ADAT1: variants seen among roughly 807,000 people sequenced by gnomAD.
ADAT1 encodes adenosine deaminase tRNA specific 1, also known as tRNA-specific adenosine deaminase 1.
Under a neutral mutation model 58.6 loss-of-function variants are expected in ADAT1, and 58 were observed. That is an observed-to-expected ratio of 0.99 (90% CI 0.80 to 1.23). The LOEUF (loss-of-function observed/expected upper bound fraction) is 1.23, where lower values mean the gene tolerates loss of function less well. ADAT1 is among the 50% of genes most tolerant of loss of function. ADAT1 has a pLI of 0.00. For synonymous variants in ADAT1, 254 were observed against 220.8 expected (o/e 1.15, Z -1.33); for missense variants, 741 against 608.6 (o/e 1.22, Z -2.29).
At chr16:75,616,681 T>G (rs1376613152) in intron 5 of ADAT1, among the ~76,000 whole-genome samples, 1 of 152,214 alleles carries the variant, frequency 6.6e-6, no homozygotes, top group Non-Finnish European at 1.5e-5. Context: ...TGTCTACATT[T>G]CCTAAAAGAC....
At position 75,599,664 on chromosome 16, in the gene ADAT1, C is replaced by T. The variant is rs111839691; in HGVS notation, c.*552G>A. The T allele has an allele frequency of 1.0e-5, 10 of 986,410 alleles. No individual in the cohort carries two copies. The highest frequency in any genetic ancestry group is 3.5e-5 in the African/African-American group (2 of 57,334). The allele number at this position is 986,410 out of a possible 1,614,324, so 61.1% of individuals were successfully genotyped here. ...TTTCCTGATACCTCTGAGAACAAGTCCAGGGCAGTCCAGGGCTGGCTCACA... is the reference window on the plus strand; with the variant it reads ...TTTCCTGATACCTCTGAGAACAAGTTCAGGGCAGTCCAGGGCTGGCTCACA... On this transcript the variant is annotated 3_prime_UTR_variant, in exon 10 of 10. Coordinates refer to ENST00000564657, the MANE Select transcript of ADAT1 (RefSeq NM_001324445.2).
chr16:75,614,400 A>G lies in ADAT1; in HGVS notation c.425-1539T>C, dbSNP rs1158678621. On this transcript the variant is annotated intron_variant, in intron 5 of 9. Coordinates refer to ENST00000564657, the MANE Select transcript of ADAT1 (RefSeq NM_001324445.2). ...AGGAAACAGAAGAAAACTAGAGGTC[A>G]GTAAGAACCACAGCTCTCCCTTGAG... Among the ~76,000 whole-genome samples, 3 of 152,384 alleles carry G rather than the reference A, an allele frequency of 2.0e-5. No individual in the cohort carries two copies. In the East Asian group the frequency reaches 5.8e-4, roughly 29 times the overall value.
At chr16:75,604,038 G>A (rs923775100) in intron 8 of ADAT1, among the ~76,000 whole-genome samples, 1 of 152,146 alleles carries the variant, frequency 6.6e-6, no homozygotes, top group African/African-American at 2.4e-5. Flanking sequence ...GGCCTTAGCT[G>A]GAGTGGCTGC....
intron 8 of ADAT1, among the ~76,000 whole-genome samples, chr16:75,604,772 A>C (rs1395849978): frequency 6.6e-6 from 1 of 152,154 alleles, no homozygotes; most frequent in African/African-American, 2.4e-5. Context: ...AAAAGAAAGA[A>C]AAGTGAAAAA....
rs1258492080 is a variant in ADAT1 at position 75,623,127 on chromosome 16, T to A, written c.-746A>T. On this transcript the variant is annotated 5_prime_UTR_variant, in exon 1 of 10. Transcript: ENST00000564657. Reference sequence around the variant, plus strand: ...GGAGCGCCTTCCCACGTGAAACGCGTCCCGGAAGATACGATCCTCACAACC... The same window carrying A: ...GGAGCGCCTTCCCACGTGAAACGCGACCCGGAAGATACGATCCTCACAACC... The A allele has an allele frequency of 1.3e-5, 2 of 152,084 alleles. No homozygotes were observed. Among genetic ancestry groups the A allele is most frequent in the Non-Finnish European group, 2.9e-5 (2 of 68,068 alleles). 9.4% of individuals were successfully genotyped at this position (152,084 alleles called of 1,614,324 possible).
chr16:75,603,633 C>A (rs1187001990), intron 8 of ADAT1, among the ~76,000 whole-genome samples: 1 of 152,138 alleles, frequency 6.6e-6, no homozygotes, highest in Non-Finnish European at 1.5e-5. Flanking sequence ...GCATCACAGG[C>A]CTTTGGAGAA....
rs2151735758 is a variant in ADAT1 at position 75,599,292 on chromosome 16, G to A, written c.*924C>T. On this transcript the variant is annotated 3_prime_UTR_variant, in exon 10 of 10. Coordinates refer to ENST00000564657, the MANE Select transcript of ADAT1 (RefSeq NM_001324445.2). The stretch of plus-strand genomic sequence containing the variant: ...AGACAGGGTTTCACCAGGTTGGCCA[G>A]GCTGGTCTTGAACTCCTGACCTCAA... The A allele has an allele frequency of 1.1e-6, 1 of 903,970 alleles. No homozygotes were observed. The highest frequency in any genetic ancestry group is 6.2e-5 in the Admixed American group (1 of 16,134). 56.0% of individuals were successfully genotyped at this position (903,970 alleles called of 1,614,324 possible). A position where few individuals can be genotyped will look rare whatever the true frequency, so the allele number is the denominator to read the frequency against.
In ADAT1 at chr16:75,612,545, G is replaced by A. The variant is rs747369829; in HGVS notation, c.741C>T (p.Ala247=). ...VEGLATVTRI[A]PGSAKVIDVY... ...CGTCTATCACTTTGGCACTACCAGG[G>A]GCTATTCTGGTGACAGTAGCCAGTC... Residue 247 remains alanine, a synonymous_variant, in exon 6 of 10, where the codon GCC becomes GCT. Transcript: ENST00000564657. 5 of 1,613,934 alleles carry A rather than the reference G, an allele frequency of 3.1e-6. No individual in the cohort carries two copies. Among genetic ancestry groups the A allele is most frequent in the East Asian group, 2.2e-5 (1 of 44,884 alleles).
Position 75,600,097 on chromosome 16 carries a change from G to C in ADAT1, c.*119C>G. On this transcript the variant is annotated 3_prime_UTR_variant, in exon 10 of 10. Transcript: ENST00000564657. ...GATTCCATCTGTATTACACAACAGA[G>C]ATGCAAAGCTCAGAAAGAATGTTCC... The C allele has an allele frequency of 6.5e-7, 1 of 1,534,952 alleles. No individual in the cohort carries two copies. The highest frequency in any genetic ancestry group is 1.3e-5 in the South Asian group (1 of 77,736).
chr16:75,620,646 CAG>C lies in ADAT1; in HGVS notation c.152_153del (p.Pro51ArgfsTer2). The C allele has an allele frequency of 6.2e-7, 1 of 1,613,306 alleles. No homozygotes were observed. Among genetic ancestry groups the C allele is most frequent in the Non-Finnish European group, 8.5e-7 (1 of 1,179,998 alleles). ...AAAGTCTCACCTTGCACCGGCTTAT[CAG>C]GGGTGTCGCAGGCCTTGTCAGCTGG... is the stretch of plus-strand genomic sequence containing the variant. ...QSPADKACDTPDKPVQVTKEV... is the reference protein window; with the variant it reads ...QSPADKACDTXDKPVQVTKEV... On this transcript the variant is annotated frameshift_variant, in exon 2 of 10. Transcript: ENST00000564657. LOFTEE classifies it high-confidence loss of function.
intron 9 of ADAT1, among the ~76,000 whole-genome samples, chr16:75,601,447 A>AAAAC (rs994301349): frequency 1.2e-4 from 18 of 152,000 alleles, no homozygotes; most frequent in South Asian, 6.2e-4. Flanking sequence ...CCCTGTCTCA[A>AAAAC]AAACAAACAA....
chr16:75,618,509 C>CAA (rs535021597), intron 4 of ADAT1, 77 bp downstream of exon 4: 6,591 of 771,602 alleles, frequency 8.5e-3, no homozygotes, highest in Non-Finnish European at 0.01. Context: ...CTGTCCCCCC[C>CAA]AAAAAAAAAA....
In ADAT1 at chr16:75,620,636, A is replaced by G. The variant is rs2081902040; in HGVS notation, c.164T>C (p.Val55Ala). 4.3e-6 allele frequency: 7 copies of G among 1,612,960 alleles called. No individual in the cohort carries two copies. The highest frequency in any genetic ancestry group is 5.9e-6 in the Non-Finnish European group (7 of 1,179,964). Reference protein sequence around the residue: ...DKACDTPDKPVQVTKEVVSMG... With the variant: ...DKACDTPDKPAQVTKEVVSMG... ...CCAAGAAGAAAAAGTCTCACCTTGC[A>G]CCGGCTTATCAGGGGTGTCGCAGGC... Residue 55 changes from valine (V) to alanine (A), a missense_variant, in exon 2 of 10, where the codon GTG (valine) becomes GCG (alanine). By Grantham distance (64) the Val-to-Ala change is moderately conservative (BLOSUM62 0). Coordinates refer to ENST00000564657, the MANE Select transcript of ADAT1 (RefSeq NM_001324445.2).
chr16:75,607,203 C>T (rs901622130), intron 8 of ADAT1, among the ~76,000 whole-genome samples: 6 of 151,980 alleles, frequency 3.9e-5, no homozygotes, highest in African/African-American at 9.7e-5. Context: ...AATGTAAATG[C>T]AAATAAAAAC....
At chr16:75,605,530 T>C (rs1479021664) in intron 8 of ADAT1, among the ~76,000 whole-genome samples, 1 of 152,214 alleles carries the variant, frequency 6.6e-6, no homozygotes, top group Non-Finnish European at 1.5e-5. Flanking sequence ...TTGATGTTTT[T>C]GCAGAGCCAA....
chr16:75,618,123 A>AAAAAAAG (rs1555510929), intron 4 of ADAT1, among the ~76,000 whole-genome samples: 10 of 142,070 alleles, frequency 7.0e-5, no homozygotes, highest in African/African-American at 2.6e-4. Flanking sequence ...AAAAAAAAAA[A>AAAAAAAG]AGAGAGAACC....
At chr16:75,618,534 C>T (rs369397749) in intron 4 of ADAT1, 52 bp downstream of exon 4, 31 of 1,315,482 alleles carry the variant, frequency 2.4e-5, no homozygotes, top group East Asian at 4.8e-5. Flanking sequence ...AAGTAAATTC[C>T]GGGACTCCCA....
intron 6 of ADAT1, 31 bp downstream of exon 6, chr16:75,612,212 T>C (rs766517136): frequency 6.9e-6 from 11 of 1,600,106 alleles, no homozygotes; most frequent in Admixed American, 5.0e-5. Flanking sequence ...TTGGAATGAC[T>C]GTTCCAATTG....
chr16:75,611,743 A>C (rs960845538), intron 6 of ADAT1, among the ~76,000 whole-genome samples: 1 of 151,674 alleles, frequency 6.6e-6, no homozygotes, highest in Non-Finnish European at 1.5e-5. Flanking sequence ...TGGGCATTTC[A>C]GTTGTTTACT....
Sources: gnomAD v4.1 joint callset for allele counts (sites outside exome capture counted in the v4.1 genomes callset) on GRCh38, gnomAD v4.1.1 for gene constraint, MANE v1.5 for transcripts, NCBI Gene and HGNC (gene_info 2026-07-23, HGNC 2026-07-21) for gene names.